LYST: variants seen among roughly 807,000 people sequenced by gnomAD.
LYST encodes lysosomal trafficking regulator, also known as lysosomal-trafficking regulator.
A neutral mutation model predicts 413.6 loss-of-function variants in LYST; 192 were observed. The ratio of observed to expected loss-of-function variants is 0.46; its 90% CI spans 0.41 to 0.52. LYST has a LOEUF of 0.52. Among genes scored for constraint, LYST ranks in the 20% least tolerant of loss-of-function variants. The pLI, the probability that LYST is intolerant of heterozygous loss-of-function variation, is 0.00. For missense variants in LYST, 3,815 were observed against 4,499.9 expected (o/e 0.85, Z 4.35); for synonymous variants, 1,525 against 1,567.3 (o/e 0.97, Z 0.64).
chr1:235,698,010 A>C (rs1487159415), intron 45 of LYST, among the ~76,000 whole-genome samples: 2 of 152,240 alleles, frequency 1.3e-5, no homozygotes, highest in Non-Finnish European at 1.5e-5. Flanking sequence ...AAGCAAAAAC[A>C]GTTATTAAAA....
At chr1:235,771,974 G>T (rs1419421433) in intron 19 of LYST, among the ~76,000 whole-genome samples, 1 of 120,636 alleles carries the variant, frequency 8.3e-6, no homozygotes, top group Non-Finnish European at 1.6e-5. Context: ...CTGTATCCCA[G>T]CACTTTGGGA....
At chr1:235,840,996 G>T (rs901817296) in intron 1 of LYST, among the ~76,000 whole-genome samples, 1 of 152,164 alleles carries the variant, frequency 6.6e-6, no homozygotes, top group African/African-American at 2.4e-5. Context: ...GAACACACAA[G>T]AAGAACTGAG....
intron 48 of LYST, among the ~76,000 whole-genome samples, chr1:235,682,878 G>C (rs967346761): frequency 6.6e-6 from 1 of 152,222 alleles, no homozygotes; most frequent in Admixed American, 6.5e-5. Flanking sequence ...GTACAGATTA[G>C]TGAGTTACTT....
At chr1:235,696,531 T>A (rs1037378823) in intron 46 of LYST, among the ~76,000 whole-genome samples, 1 of 152,216 alleles carries the variant, frequency 6.6e-6, no homozygotes, top group East Asian at 1.9e-4. Flanking sequence ...ACTGCTCAAA[T>A]GCAAAATGTC....
intron 1 of LYST, among the ~76,000 whole-genome samples, chr1:235,840,410 G>A (rs776907352): frequency 2.0e-5 from 3 of 152,208 alleles, no homozygotes; most frequent in Non-Finnish European, 2.9e-5. Context: ...AGTGAGGATG[G>A]AGGGAGTGGC....
intron 30 of LYST, among the ~76,000 whole-genome samples, chr1:235,743,094 T>G (rs1665576399): frequency 6.6e-6 from 1 of 152,088 alleles, no homozygotes; most frequent in Admixed American, 6.6e-5. Flanking sequence ...TCACCAGGGG[T>G]CCTGGAATGT....
At chr1:235,679,866 G>A (rs535434643) in intron 48 of LYST, among the ~76,000 whole-genome samples, 2 of 152,242 alleles carry the variant, frequency 1.3e-5, no homozygotes, top group South Asian at 4.1e-4. Flanking sequence ...GGCTGTCCAA[G>A]GACAGTGTCA....
At chr1:235,728,615 T>C (rs1017609780) in intron 37 of LYST, among the ~76,000 whole-genome samples, 2 of 152,146 alleles carry the variant, frequency 1.3e-5, no homozygotes, top group Admixed American at 1.3e-4. Context: ...AGCCTCCAAC[T>C]TTTTCCTGTT....
chr1:235,668,977 A>G (rs1365503809), intron 50 of LYST, among the ~76,000 whole-genome samples: 1 of 152,342 alleles, frequency 6.6e-6, no homozygotes, highest in East Asian at 1.9e-4. Context: ...TCTAATCATG[A>G]CTGAAGATAT....
intron 38 of LYST, among the ~76,000 whole-genome samples, chr1:235,725,198 C>T (rs1344050552): frequency 1.3e-5 from 2 of 152,122 alleles, no homozygotes; most frequent in African/African-American, 2.4e-5. Flanking sequence ...CTTTGGGAGG[C>T]GGAGGCAGGC....
Position 235,754,235 on chromosome 1 carries a change from T to C in LYST, c.7230-961A>G, listed in dbSNP as rs1162714776. 7.5e-4 allele frequency among the ~76,000 whole-genome samples: 108 copies of C among 143,870 alleles called. 1 individual carries two copies. Among genetic ancestry groups the C allele is most frequent in the African/African-American group, 2.4e-3 (96 of 39,210 alleles). The allele number at this position is 143,870 out of a possible 152,430, so 94.4% of individuals were successfully genotyped here. A position where few individuals can be genotyped will look rare whatever the true frequency, so the allele number is the denominator to read the frequency against. On this transcript the variant is annotated intron_variant, in intron 25 of 52. Coordinates refer to ENST00000389793, the MANE Select transcript of LYST (RefSeq NM_000081.4). ...TCTTTTTTTCTTTTCTTTTCTTTTT[T>C]TTTTTTTTTTTTTTGAGATGGAGTT...
chr1:235,733,414 G>A (rs1411756945), intron 34 of LYST, 89 bp downstream of exon 34: 1 of 1,098,944 alleles, frequency 9.1e-7, no homozygotes, highest in Non-Finnish European at 1.4e-6. Context: ...ATGATTTTAT[G>A]AGTCTGAATT....
chr1:235,743,191 ACTAAGC>A (rs1369924930), intron 30 of LYST, among the ~76,000 whole-genome samples: 1 of 152,202 alleles, frequency 6.6e-6, no homozygotes, highest in Non-Finnish European at 1.5e-5. Context: ...CTATGGTCCC[ACTAAGC>A]CTAGCCAAAT....
chr1:235,703,422 T>C (rs556474319), intron 44 of LYST, among the ~76,000 whole-genome samples: 1 of 152,306 alleles, frequency 6.6e-6, no homozygotes, highest in African/African-American at 2.4e-5. Context: ...AGCTCTTAAA[T>C]GTAAAGGGTA....
At chr1:235,707,709 T>C (rs1662099392) in intron 44 of LYST, among the ~76,000 whole-genome samples, 1 of 152,160 alleles carries the variant, frequency 6.6e-6, no homozygotes, top group Non-Finnish European at 1.5e-5. Flanking sequence ...TACATAAAAA[T>C]AACCATAGAA....
In LYST at chr1:235,806,498, C is replaced by T; in HGVS notation, c.2638G>A (p.Glu880Lys). The T allele has an allele frequency of 1.2e-6, 2 of 1,614,030 alleles. No homozygotes were observed. The highest frequency in any genetic ancestry group is 1.7e-6 in the Non-Finnish European group (2 of 1,179,982). ...SLSKFYAGLK[E>K]AYPKRRKTVN... ...GTCTTCCGTCTCTTTGGATAAGCTT[C>T]TTTGAGGCCAGCATAAAATTTGCTG... is the stretch of plus-strand genomic sequence containing the variant. The change falls in exon 6 of 53, where the codon GAA becomes AAA. Residue 880 changes from glutamate (E) to lysine (K), a missense_variant. Around this residue, in one of 4 missense-constraint regions of LYST, gnomAD observed 1,648 missense variants for 1,810.3 expected, o/e 0.91. Coordinates refer to ENST00000389793, the MANE Select transcript of LYST (RefSeq NM_000081.4).
Position 235,718,850 on chromosome 1 carries a change from A to G in LYST, c.9560+1811T>C, listed in dbSNP as rs572496639. 8.5e-5 allele frequency among the ~76,000 whole-genome samples: 13 copies of G among 152,344 alleles called. No homozygotes were observed. The South Asian group carries it at 2.3e-3, about 27-fold the overall frequency. On this transcript the variant is annotated intron_variant, in intron 40 of 52. Transcript: ENST00000389793. Reference sequence around the variant, plus strand: ...TGCCCTATTACCTCTAATGGGACCAATGAATTTTGTTTCACTGTGTTTCCT... The same window carrying G: ...TGCCCTATTACCTCTAATGGGACCAGTGAATTTTGTTTCACTGTGTTTCCT...
chr1:235,733,403 A>G, intron 34 of LYST, 100 bp downstream of exon 34: 1 of 1,018,138 alleles, frequency 9.8e-7, no homozygotes, highest in Non-Finnish European at 1.5e-6. Flanking sequence ...TGTTTAATGA[A>G]ATGATTTTAT....
intron 31 of LYST, chr1:235,738,268 A>C (rs1196580945): frequency 4.3e-6 from 7 of 1,611,294 alleles, no homozygotes; most frequent in Middle Eastern, 4.5e-4. Flanking sequence ...GTAAACTCCA[A>C]GCTGGTCACT....
Sources: allele counts gnomAD v4.1 joint callset (sites outside exome capture counted in the v4.1 genomes callset), GRCh38; gene constraint gnomAD v4.1.1; regional missense constraint gnomAD v4.1.1; transcripts MANE v1.5; gene names NCBI Gene and HGNC (gene_info 2026-07-23, HGNC 2026-07-21).